Variants in MINDY2 observed in about 807,000 individuals in gnomAD.
MINDY2 encodes MINDY lysine 48 deubiquitinase 2.
Under a neutral mutation model 68.2 loss-of-function variants are expected in MINDY2, and 52 were observed. The observed-to-expected ratio is 0.76, with a 90% confidence interval of 0.61 to 0.96. The LOEUF is 0.96. MINDY2 is among the 40% of genes least tolerant of loss of function. The pLI is 0.00. For missense variants in MINDY2, 881 were observed against 773.4 expected (o/e 1.14, Z -1.65); for synonymous variants, 372 against 303.0 (o/e 1.23, Z -2.36).
chr15:58,851,465 GTC>G (rs1224593670), intron 7 of MINDY2, among the ~76,000 whole-genome samples: 5 of 150,970 alleles, frequency 3.3e-5, no homozygotes, highest in African/African-American at 9.7e-5. Flanking sequence ...TATAGACAGG[GTC>G]TCTCTCTGTC....
At chr15:58,822,864 G>A (rs554975647) in intron 5 of MINDY2, among the ~76,000 whole-genome samples, 1 of 152,130 alleles carries the variant, frequency 6.6e-6, no homozygotes, top group African/African-American at 2.4e-5. Context: ...TGAGAAGTAG[G>A]GCATGAGTTT....
At chr15:58,794,914 G>A (rs961593390) in intron 2 of MINDY2, among the ~76,000 whole-genome samples, 5 of 151,968 alleles carry the variant, frequency 3.3e-5, no homozygotes, top group Admixed American at 1.3e-4. Flanking sequence ...TGGGCCGGGC[G>A]CAGTGGCTCA....
rs1176295061 is a variant in MINDY2, at chr15:58,858,851, C to T, written c.*4241C>T. ...TTTAAGGAATTGGACATGAAGAATT[C>T]TAGATCATTTTGTGTCTATAAACCC... On this transcript the variant is annotated 3_prime_UTR_variant, in exon 9 of 9. Transcript: ENST00000559228. 1 of 152,080 alleles carries T rather than the reference C, an allele frequency of 6.6e-6. No individual in the cohort carries two copies. The highest frequency in any genetic ancestry group is 1.5e-5 in the Non-Finnish European group (1 of 67,968). 9.4% of individuals were successfully genotyped at this position (152,080 alleles called of 1,614,324 possible).
chr15:58,775,582 C>T (rs1378653075), intron 1 of MINDY2, among the ~76,000 whole-genome samples: 2 of 152,152 alleles, frequency 1.3e-5, no homozygotes, highest in East Asian at 1.9e-4. Context: ...TTCTTTGTCC[C>T]CCTCTTTGAT....
At chr15:58,800,400 A>G (rs1236158251) in intron 2 of MINDY2, among the ~76,000 whole-genome samples, 6 of 152,044 alleles carry the variant, frequency 3.9e-5, no homozygotes, top group Non-Finnish European at 8.8e-5. Context: ...ACTTAAAAGT[A>G]TAAAGATCCC....
At chr15:58,836,540 G>C (rs1285727828) in intron 6 of MINDY2, among the ~76,000 whole-genome samples, 6 of 151,958 alleles carry the variant, frequency 3.9e-5, no homozygotes, top group Non-Finnish European at 8.8e-5. Context: ...TATTCCTATT[G>C]TACCAGCTTT....
At chr15:58,834,009 GT>G (rs1433924743) in intron 6 of MINDY2, among the ~76,000 whole-genome samples, 4 of 152,136 alleles carry the variant, frequency 2.6e-5, no homozygotes, top group African/African-American at 9.7e-5. Flanking sequence ...CTTCCGCAGT[GT>G]TTTGTGTCTC....
intron 6 of MINDY2, among the ~76,000 whole-genome samples, chr15:58,842,690 C>T (rs2032340021): frequency 1.3e-5 from 2 of 152,298 alleles, no homozygotes; most frequent in African/African-American, 4.8e-5. Context: ...AGATGATACT[C>T]ATGAATATAA....
At chr15:58,852,511 A>G (rs1056370026) in intron 8 of MINDY2, among the ~76,000 whole-genome samples, 11 of 152,288 alleles carry the variant, frequency 7.2e-5, no homozygotes, top group East Asian at 1.9e-4. Context: ...AAATAAGCCA[A>G]TTTGGACGAA....
chr15:58,845,724 A>G (rs950544500), intron 6 of MINDY2, among the ~76,000 whole-genome samples: 1 of 152,250 alleles, frequency 6.6e-6, no homozygotes, highest in Non-Finnish European at 1.5e-5. Flanking sequence ...GGAAATCAGT[A>G]TATCAAAGAG....
intron 1 of MINDY2, among the ~76,000 whole-genome samples, chr15:58,776,609 T>C (rs533136714): frequency 6.6e-6 from 1 of 152,244 alleles, no homozygotes; most frequent in South Asian, 2.1e-4. Flanking sequence ...ACAAGGTCAC[T>C]GAAAAGTCAG....
rs767004614 is a variant in MINDY2 at position 58,771,412 on chromosome 15, A to G, written c.17A>G (p.Glu6Gly). The G allele has an allele frequency of 6.2e-7, 1 of 1,610,678 alleles. No homozygotes were observed. The highest frequency in any genetic ancestry group is 1.1e-5 in the South Asian group (1 of 90,932). The part of the protein sequence containing the change: MESSP[E>G]SLQPLEHGVA... ...CGGCCCGGTATGGAGAGCAGCCCCG[A>G]GAGCCTGCAGCCGCTAGAACACGGG... The change falls in exon 1 of 9, where the codon GAG (glutamate) becomes GGG (glycine). Residue 6 changes from glutamate (E) to glycine (G), a missense_variant. Coordinates refer to ENST00000559228, the MANE Select transcript of MINDY2 (RefSeq NM_001040450.3).
At chr15:58,784,661 C>A (rs1901366938) in intron 1 of MINDY2, among the ~76,000 whole-genome samples, 1 of 146,474 alleles carries the variant, frequency 6.8e-6, no homozygotes, top group Non-Finnish European at 1.5e-5. Flanking sequence ...TCTCTGTTGC[C>A]CAGGCTGGAG....
chr15:58,801,096 C>T (rs1902618587), intron 2 of MINDY2, among the ~76,000 whole-genome samples: 1 of 151,996 alleles, frequency 6.6e-6, no homozygotes, highest in Non-Finnish European at 1.5e-5. Flanking sequence ...GCCTCAGCCT[C>T]CTGAGTAGTT....
intron 1 of MINDY2, among the ~76,000 whole-genome samples, chr15:58,776,624 A>G (rs115892990): frequency 1.0e-3 from 154 of 152,332 alleles, no homozygotes; most frequent in African/African-American, 3.5e-3. Flanking sequence ...AGTCAGGATA[A>G]CATGGAATCC....
intron 5 of MINDY2, 98 bp from the exon 6 acceptor site, chr15:58,831,676 G>C: frequency 9.8e-7 from 1 of 1,024,926 alleles, no homozygotes; most frequent in Non-Finnish European, 1.4e-6. Flanking sequence ...ATAATTATTG[G>C]CCTTTTTCCA....
At chr15:58,809,101 A>G (rs1371184696) in intron 3 of MINDY2, among the ~76,000 whole-genome samples, 2 of 152,186 alleles carry the variant, frequency 1.3e-5, no homozygotes, top group African/African-American at 4.8e-5. Context: ...AGCCCCAGCT[A>G]CATGGGAGAC....
chr15:58,861,677 A>G lies in MINDY2; in HGVS notation c.*7067A>G, dbSNP rs1386225741. On this transcript the variant is annotated 3_prime_UTR_variant, in exon 9 of 9. Transcript: ENST00000559228. ...TTTGGGAGGATATTCCTTAAAAGGC[A>G]TACATAGATGGTAAAGTATAAAATA... The G allele has an allele frequency of 1.3e-5, 2 of 152,230 alleles. No individual in the cohort carries two copies. Among genetic ancestry groups the G allele is most frequent in the African/African-American group, 2.4e-5 (1 of 41,462 alleles). The allele number at this position is 152,230 out of a possible 1,614,324, so 9.4% of individuals were successfully genotyped here.
chr15:58,787,326 A>G (rs1901573462), intron 1 of MINDY2, among the ~76,000 whole-genome samples: 1 of 151,572 alleles, frequency 6.6e-6, no homozygotes, highest in Non-Finnish European at 1.5e-5. Flanking sequence ...TTTATCTCCT[A>G]TGTGTGCAGC....
Sources: gnomAD v4.1 joint callset for allele counts (sites outside exome capture counted in the v4.1 genomes callset) on GRCh38, gnomAD v4.1.1 for gene constraint, MANE v1.5 for transcripts, NCBI Gene and HGNC (gene_info 2026-07-23, HGNC 2026-07-21) for gene names.